LRRFIP2: variants seen among roughly 807,000 people sequenced by gnomAD.
LRRFIP2 encodes the protein LRR binding FLII interacting protein 2.
A neutral mutation model predicts 125.9 loss-of-function variants in LRRFIP2; 109 were observed. The ratio of observed to expected loss-of-function variants is 0.87; its 90% CI spans 0.74 to 1.01. LRRFIP2 has a LOEUF of 1.01. Ranked by LOEUF, LRRFIP2 falls within the 50% of genes least tolerant of loss-of-function variation. The pLI is 0.00. For missense variants in LRRFIP2, 850 were observed against 862.3 expected (o/e 0.99, Z 0.18); for synonymous variants, 291 against 293.1 (o/e 0.99, Z 0.07).
intron 1 of LRRFIP2, among the ~76,000 whole-genome samples, chr3:37,172,031 A>G (rs1176889244): frequency 6.6e-6 from 1 of 152,232 alleles, no homozygotes; most frequent in Admixed American, 6.5e-5. Flanking sequence ...AGATGGATAA[A>G]GAATACAAAG....
intron 11 of LRRFIP2, 30 bp downstream of exon 11, chr3:37,109,497 C>A (rs6806252): frequency 1.2e-6 from 2 of 1,612,334 alleles, no homozygotes; most frequent in East Asian, 2.2e-5. Context: ...CCCACCAGCA[C>A]TGCACACACT....
chr3:37,129,266 TTATC>T, intron 2 of LRRFIP2, 117 bp from the exon 3 acceptor site: 2 of 764,008 alleles, frequency 2.6e-6, no homozygotes, highest in Non-Finnish European at 4.4e-6. Flanking sequence ...GGAGAAGATA[TTATC>T]TATCAGCAAG....
intron 2 of LRRFIP2, among the ~76,000 whole-genome samples, chr3:37,135,607 T>C (rs2095539381): frequency 6.6e-6 from 1 of 152,122 alleles, no homozygotes; most frequent in Non-Finnish European, 1.5e-5. Flanking sequence ...AATAAAAATA[T>C]AAATAATTTT....
rs1024461153 is a variant in LRRFIP2, at chr3:37,110,562, C to G, written c.513+429G>C. Among the ~76,000 whole-genome samples the G allele has an allele frequency of 3.3e-5, 5 of 151,932 alleles. No homozygotes were observed. In the East Asian group the frequency reaches 9.6e-4, roughly 29 times the overall value. On this transcript the variant is annotated intron_variant, in intron 9 of 27. Coordinates refer to ENST00000336686, the MANE Select transcript of LRRFIP2 (RefSeq NM_006309.4). ...ACGTGTTTACATTTTTATATGTAAGCTTTTTTAAAAGGGTACCCACTCTGA... is the reference window on the plus strand; with the variant it reads ...ACGTGTTTACATTTTTATATGTAAGGTTTTTTAAAAGGGTACCCACTCTGA...
At chr3:37,165,953 A>G (rs888435590) in intron 1 of LRRFIP2, among the ~76,000 whole-genome samples, 14 of 152,160 alleles carry the variant, frequency 9.2e-5, no homozygotes, top group Admixed American at 7.2e-4. Context: ...TATGGGAAAA[A>G]CTTCATGATA....
intron 1 of LRRFIP2, among the ~76,000 whole-genome samples, chr3:37,151,220 G>A (rs756468877): frequency 1.3e-5 from 2 of 151,998 alleles, no homozygotes; most frequent in South Asian, 4.1e-4. Context: ...TTAGCTGGGC[G>A]AGGTGGCACA....
intron 26 of LRRFIP2, 107 bp from the exon 27 acceptor site, chr3:37,054,622 A>C: frequency 1.3e-6 from 1 of 746,152 alleles, no homozygotes; most frequent in Non-Finnish European, 2.3e-6. Flanking sequence ...GTAATCTACT[A>C]ACAAGTCCCC....
In LRRFIP2 at chr3:37,123,436, G is replaced by A. The variant is rs186462162; in HGVS notation, c.229-1745C>T. ...ATTCCTGACCTCAAGGGATCTGCCC[G>A]CCTCGGCCTTCCAAAGTGCTGGTAT... On this transcript the variant is annotated intron_variant, in intron 4 of 27. Coordinates refer to ENST00000336686, the MANE Select transcript of LRRFIP2 (RefSeq NM_006309.4). Among the ~76,000 whole-genome samples the A allele has an allele frequency of 1.2e-3, 187 of 152,260 alleles. 8 individuals are homozygous for A. In the South Asian group the frequency reaches 0.037, roughly 30 times the overall value.
intron 21 of LRRFIP2, among the ~76,000 whole-genome samples, chr3:37,071,141 T>A (rs900605975): frequency 3.9e-5 from 6 of 152,242 alleles, no homozygotes; most frequent in Admixed American, 1.3e-4. Context: ...TTTCTAGGTT[T>A]AGATGGAATT....
In LRRFIP2 at chr3:37,129,116, G is replaced by A. The variant is rs756754242; in HGVS notation, c.124C>T (p.Arg42Trp). Residue 42 changes from arginine (R) to tryptophan (W), a missense_variant, in exon 3 of 28, where the codon CGG (arginine) becomes TGG (tryptophan). By Grantham distance (101) the Arg-to-Trp change is moderately radical. Coordinates refer to ENST00000336686, the MANE Select transcript of LRRFIP2 (RefSeq NM_006309.4). ...ATGCGTATATCTCTTGCTTCTGCCC[G>A]GGCAGCCCGTTTTGCTGCCAGCCTT... is the stretch of plus-strand genomic sequence containing the variant. ...EARLAAKRAA[R>W]AEARDIRMRE... The A allele has an allele frequency of 3.7e-6, 6 of 1,613,768 alleles. No homozygotes were observed. Among genetic ancestry groups the A allele is most frequent in the Non-Finnish European group, 5.1e-6 (6 of 1,180,004 alleles).
chr3:37,131,602 ATCCCC>A (rs1007749265), intron 2 of LRRFIP2, among the ~76,000 whole-genome samples: 45 of 152,190 alleles, frequency 3.0e-4, no homozygotes, highest in African/African-American at 1.1e-3. Context: ...GATTCAGACT[ATCCCC>A]TCTGATAACT....
intron 24 of LRRFIP2, among the ~76,000 whole-genome samples, chr3:37,061,171 G>A (rs991038534): frequency 1.3e-5 from 2 of 152,028 alleles, no homozygotes; most frequent in Non-Finnish European, 2.9e-5. Flanking sequence ...TTCACCTTCC[G>A]CCGTGATGAG....
At chr3:37,169,590 A>G (rs1560188855) in intron 1 of LRRFIP2, among the ~76,000 whole-genome samples, 1 of 152,244 alleles carries the variant, frequency 6.6e-6, no homozygotes, top group Non-Finnish European at 1.5e-5. Flanking sequence ...CTCTGCATAC[A>G]GTACGGTATA....
At chr3:37,096,996 T>C (rs1209641526) in intron 15 of LRRFIP2, among the ~76,000 whole-genome samples, 1 of 151,986 alleles carries the variant, frequency 6.6e-6, no homozygotes, top group African/African-American at 2.4e-5. Context: ...AGCTTGTACA[T>C]ATCAAAAAGA....
At chr3:37,142,742 G>T (rs536376155) in intron 2 of LRRFIP2, among the ~76,000 whole-genome samples, 1 of 152,062 alleles carries the variant, frequency 6.6e-6, no homozygotes, top group Non-Finnish European at 1.5e-5. Context: ...GCATCACTTC[G>T]GGAGAAAACC....
At chr3:37,144,330 C>A (rs1423230913) in intron 2 of LRRFIP2, among the ~76,000 whole-genome samples, 1 of 152,228 alleles carries the variant, frequency 6.6e-6, no homozygotes, top group Non-Finnish European at 1.5e-5. Context: ...TTCCTTTCTT[C>A]CTAACATTTT....
chr3:37,128,267 G>A (rs781051230), intron 3 of LRRFIP2, among the ~76,000 whole-genome samples: 47 of 152,112 alleles, frequency 3.1e-4, no homozygotes, highest in Non-Finnish European at 2.6e-4. Context: ...TCAAAAGAAA[G>A]TGTTTAATAC....
chr3:37,163,124 CT>C (rs2096389907), intron 1 of LRRFIP2, among the ~76,000 whole-genome samples: 1 of 152,200 alleles, frequency 6.6e-6, no homozygotes, highest in South Asian at 2.1e-4. Flanking sequence ...CAATAACAAA[CT>C]TTCCCAATGA....
At chr3:37,071,596 T>C (rs2091196203) in intron 21 of LRRFIP2, among the ~76,000 whole-genome samples, 2 of 152,196 alleles carry the variant, frequency 1.3e-5, no homozygotes, top group African/African-American at 2.4e-5. Context: ...TGACTACTGG[T>C]TGGGCTTCAG....
Sources: gnomAD v4.1 joint callset for allele counts (sites outside exome capture counted in the v4.1 genomes callset) on GRCh38, gnomAD v4.1.1 for gene constraint, MANE v1.5 for transcripts, NCBI Gene and HGNC (gene_info 2026-07-23, HGNC 2026-07-21) for gene names.